TGM6: variants seen among roughly 807,000 people sequenced by gnomAD.
TGM6 encodes transglutaminase 6.
In TGM6, 74 loss-of-function variants were observed where a neutral mutation model predicts 77.5. The observed-to-expected ratio is 0.96, with a 90% CI of 0.79 to 1.16. TGM6 has a LOEUF of 1.16. Among genes scored for constraint, TGM6 ranks in the 50% most tolerant of loss-of-function variants. TGM6 has a pLI of 0.00. For missense variants in TGM6, 968 were observed against 940.2 expected (o/e 1.03, Z -0.39); for synonymous variants, 383 against 378.9 (o/e 1.01, Z -0.12).
intron 1 of TGM6, among the ~76,000 whole-genome samples, chr20:2,387,859 T>A (rs1375348313): frequency 6.6e-6 from 1 of 152,236 alleles, no homozygotes; most frequent in Non-Finnish European, 1.5e-5. Flanking sequence ...ACTTGCCAGA[T>A]GGCTCAGTCC....
intron 9 of TGM6, among the ~76,000 whole-genome samples, chr20:2,415,854 CAA>C (rs955592804): frequency 5.3e-5 from 8 of 152,214 alleles, no homozygotes; most frequent in Admixed American, 1.3e-4. Flanking sequence ...TTCTGGAGCT[CAA>C]AAGAGAGGTC....
intron 9 of TGM6, among the ~76,000 whole-genome samples, chr20:2,414,142 C>T (rs976668068): frequency 8.5e-5 from 13 of 152,154 alleles, no homozygotes; most frequent in African/African-American, 2.9e-4. Flanking sequence ...GAGGCCAAGG[C>T]GAGAGGAGTA....
Position 2,384,122 on chromosome 20 carries a change from A to G in TGM6, c.7+3147A>G, listed in dbSNP as rs1178512136. On this transcript the variant is annotated intron_variant, in intron 1 of 12. Transcript: ENST00000202625. ...ACTCCGTCTCAAAAAAAAAAAAAAAAAAAAATCCCTGTTCGTAGAGCTCAT... is the reference window on the plus strand; with the variant it reads ...ACTCCGTCTCAAAAAAAAAAAAAAAGAAAAATCCCTGTTCGTAGAGCTCAT... Among the ~76,000 whole-genome samples the G allele has an allele frequency of 4.6e-5, 7 of 151,894 alleles. No individual in the cohort carries two copies. The East Asian group carries it at 1.4e-3, about 30-fold the overall frequency.
chr20:2,393,752 C>A (rs1474837645), intron 1 of TGM6, among the ~76,000 whole-genome samples: 1 of 152,076 alleles, frequency 6.6e-6, no homozygotes, highest in East Asian at 1.9e-4. Context: ...GTCTCGAGCT[C>A]CTGAGCTTAG....
chr20:2,384,092 G>T (rs2122321548), intron 1 of TGM6, among the ~76,000 whole-genome samples: 1 of 138,998 alleles, frequency 7.2e-6, no homozygotes, highest in South Asian at 2.5e-4. Context: ...GGGCGACAGA[G>T]TGAGACTCCG....
chr20:2,391,256 A>G (rs1476992471), intron 1 of TGM6, among the ~76,000 whole-genome samples: 1 of 152,098 alleles, frequency 6.6e-6, no homozygotes, highest in African/African-American at 2.4e-5. Context: ...GCACTTGAAT[A>G]CATACAAAGA....
chr20:2,406,865 A>C (rs1454249511), intron 9 of TGM6, among the ~76,000 whole-genome samples: 1 of 142,104 alleles, frequency 7.0e-6, no homozygotes, highest in African/African-American at 2.7e-5. Context: ...AAAAAAAAAA[A>C]ACCATGGCCA....
intron 1 of TGM6, among the ~76,000 whole-genome samples, chr20:2,387,175 A>C (rs2084601858): frequency 6.6e-6 from 1 of 152,202 alleles, no homozygotes; most frequent in South Asian, 2.1e-4. Flanking sequence ...TGACAATTCT[A>C]TGTACAAGGT....
intron 9 of TGM6, among the ~76,000 whole-genome samples, chr20:2,416,059 G>C (rs973018278): frequency 6.6e-6 from 1 of 152,128 alleles, no homozygotes; most frequent in African/African-American, 2.4e-5. Context: ...TAGCCCAGGA[G>C]GGTTCCTGGC....
chr20:2,384,707 C>T (rs951157477), intron 1 of TGM6, among the ~76,000 whole-genome samples: 1 of 152,102 alleles, frequency 6.6e-6, no homozygotes, highest in African/African-American at 2.4e-5. Flanking sequence ...TGAAATCAGG[C>T]TTCTAGTTGC....
At chr20:2,427,628 G>A (rs1385942529) in intron 10 of TGM6, among the ~76,000 whole-genome samples, 2 of 152,160 alleles carry the variant, frequency 1.3e-5, no homozygotes, top group Non-Finnish European at 2.9e-5. Context: ...TAAAGCAGAA[G>A]TTTAGATTAT....
chr20:2,406,816 A>T (rs780000037), intron 9 of TGM6, among the ~76,000 whole-genome samples: 8 of 127,750 alleles, frequency 6.3e-5, no homozygotes, highest in Non-Finnish European at 1.3e-4. Flanking sequence ...CCTCAGCAAC[A>T]AGTGCGAAAC....
intron 10 of TGM6, among the ~76,000 whole-genome samples, chr20:2,427,176 G>A (rs6036442): frequency 0.22 from 33,930 of 151,980 alleles, 3,984 homozygotes; most frequent in South Asian, 0.3. Context: ...CCATTTTTTA[G>A]TAGATATAGG....
Position 2,417,579 on chromosome 20 carries a change from T to G in TGM6, c.1678+6T>G, listed in dbSNP as rs1410067682. ...GAGGCTGGGGCCGCAAGAAGGTAAG[T>G]GTACGCTGGCTTGGTGGAATCAGGC... is the stretch of plus-strand genomic sequence containing the variant. On this transcript the variant is annotated splice_donor_region_variant and intron_variant, in intron 10 of 12. Transcript: ENST00000202625. The G allele has an allele frequency of 1.9e-6, 3 of 1,596,560 alleles. No individual in the cohort carries two copies. In the African/African-American group the frequency reaches 4.0e-5, roughly 21 times the overall value.
intron 10 of TGM6, among the ~76,000 whole-genome samples, chr20:2,427,043 A>C (rs7264522): frequency 0.13 from 19,989 of 151,994 alleles, 1,645 homozygotes; most frequent in African/African-American, 0.22. Flanking sequence ...CTCTGCTTCC[A>C]TTTTCTGGAA....
chr20:2,420,940 G>A (rs995014841), intron 10 of TGM6, among the ~76,000 whole-genome samples: 1 of 151,514 alleles, frequency 6.6e-6, no homozygotes, highest in Non-Finnish European at 1.5e-5. Context: ...GAATAAAGCT[G>A]CTGTAAACAT....
At chr20:2,427,786 C>T (rs1568671936) in intron 10 of TGM6, among the ~76,000 whole-genome samples, 2 of 152,060 alleles carry the variant, frequency 1.3e-5, no homozygotes, top group African/African-American at 2.4e-5. Flanking sequence ...GACAGAGTCT[C>T]GTTCTGTCAC....
At chr20:2,401,582 CT>C in intron 7 of TGM6, among the ~76,000 whole-genome samples, 1 of 152,352 alleles carries the variant, frequency 6.6e-6, no homozygotes, top group African/African-American at 2.4e-5. Context: ...AGCACCTAGT[CT>C]GTGCCAGGTC....
At chr20:2,383,458 G>A (rs1397940732) in intron 1 of TGM6, among the ~76,000 whole-genome samples, 3 of 152,204 alleles carry the variant, frequency 2.0e-5, no homozygotes, top group African/African-American at 4.8e-5. Flanking sequence ...GGGCCAGCTG[G>A]TGAGCAAATT....
Sources: allele counts gnomAD v4.1 joint callset (sites outside exome capture counted in the v4.1 genomes callset), GRCh38; gene constraint gnomAD v4.1.1; transcripts MANE v1.5; gene names NCBI Gene and HGNC (gene_info 2026-07-23, HGNC 2026-07-21).